PTPRN2: variants seen among roughly 807,000 people sequenced by gnomAD.
PTPRN2 encodes receptor-type tyrosine-protein phosphatase N2.
PTPRN2 carries 74 observed loss-of-function variants against 118.8 expected under a neutral mutation model. That is an observed-to-expected ratio of 0.62 (90% CI 0.52 to 0.76). The LOEUF is 0.76. PTPRN2 is among the 30% of genes least tolerant of loss of function. PTPRN2 has a pLI of 0.00. For synonymous variants in PTPRN2, 641 were observed against 608.0 expected (o/e 1.05, Z -0.80); for missense variants, 1,481 against 1,394.4 (o/e 1.06, Z -0.99).
At chr7:157,753,238 A>C (rs1398889252) in intron 12 of PTPRN2, among the ~76,000 whole-genome samples, 1 of 151,884 alleles carries the variant, frequency 6.6e-6, no homozygotes, top group African/African-American at 2.4e-5. Flanking sequence ...TGTGCCAGGC[A>C]TGTCTGCTGT....
chr7:158,025,374 G>A lies in PTPRN2; in HGVS notation c.1723+55924C>T, dbSNP rs192753309. ...TACAACTGGATGGGTGTTTGTTCTC[G>A]GCCATGCTGAGAGATACTGACATCC... On this transcript the variant is annotated intron_variant, in intron 11 of 22. Coordinates refer to ENST00000389418, the MANE Select transcript of PTPRN2 (RefSeq NM_002847.5). Among the ~76,000 whole-genome samples, 548 of 152,208 alleles carry A rather than the reference G, an allele frequency of 3.6e-3. 3 individuals carry two copies. The highest frequency in any genetic ancestry group is 0.013 in the African/African-American group (521 of 41,520).
chr7:157,744,999 A>G (rs946354033), intron 12 of PTPRN2, among the ~76,000 whole-genome samples: 6 of 152,144 alleles, frequency 3.9e-5, no homozygotes, highest in African/African-American at 1.4e-4. Context: ...GTCCCCTTCC[A>G]GGCGGCACCT....
chr7:157,693,112 G>C (rs966747216), intron 12 of PTPRN2, among the ~76,000 whole-genome samples: 6 of 152,056 alleles, frequency 3.9e-5, no homozygotes, highest in African/African-American at 7.2e-5. Context: ...AGGAGGACTC[G>C]GGAGCCGGGG....
intron 12 of PTPRN2, among the ~76,000 whole-genome samples, chr7:157,827,870 G>A (rs373598429): frequency 6.6e-6 from 1 of 152,168 alleles, no homozygotes; most frequent in African/African-American, 2.4e-5. Flanking sequence ...TGCCTTCCTC[G>A]GGCTGCACGT....
In PTPRN2 at chr7:157,656,402, C is replaced by T; in HGVS notation, c.2151G>A (p.Glu717=). ...ARSSASSWSE[E]PVQSNMDIST... is the part of the protein sequence containing the mutation. ...AGATGTCCATGTTGGACTGCACAGG[C>T]TCCTCGGACCAGGATGAGGCGCTGC... The change falls in exon 14 of 23, where the codon GAG becomes GAA. Residue 717 remains glutamate (E), a synonymous_variant. Transcript: ENST00000389418. 1 of 1,552,856 alleles carries T rather than the reference C, an allele frequency of 6.4e-7. No individual in the cohort carries two copies. Among genetic ancestry groups the T allele is most frequent in the Non-Finnish European group, 8.7e-7 (1 of 1,147,904 alleles).
chr7:158,111,052 C>G (rs1463731366), intron 9 of PTPRN2, 137 bp from the exon 10 acceptor site: 22 of 714,696 alleles, frequency 3.1e-5, no homozygotes, highest in Non-Finnish European at 3.9e-5. Context: ...CAGCTGCCCC[C>G]TCAGGCACAA....
chr7:158,129,184 CCA>C (rs1183907481), intron 9 of PTPRN2, among the ~76,000 whole-genome samples: 1 of 147,304 alleles, frequency 6.8e-6, no homozygotes, highest in Non-Finnish European at 1.5e-5. Flanking sequence ...ACATACCACG[CCA>C]CACACTACAC....
intron 12 of PTPRN2, among the ~76,000 whole-genome samples, chr7:157,853,450 C>T (rs1001336214): frequency 3.9e-5 from 6 of 152,150 alleles, no homozygotes; most frequent in African/African-American, 1.4e-4. Flanking sequence ...GGCCCTCTCC[C>T]CACCCCCCCA....
intron 11 of PTPRN2, among the ~76,000 whole-genome samples, chr7:158,073,043 A>T (rs73171568): frequency 2.0e-5 from 3 of 151,990 alleles, no homozygotes; most frequent in Admixed American, 1.3e-4. Context: ...CACCAGGGAC[A>T]GAGGGCAGTG....
chr7:157,649,101 C>T (rs1409170756), intron 14 of PTPRN2, among the ~76,000 whole-genome samples: 3 of 130,478 alleles, frequency 2.3e-5, no homozygotes, highest in Admixed American at 7.7e-5. Context: ...GCACTGAACT[C>T]GGTGGGTCGG....
At chr7:157,568,625 G>A (rs754524276) in intron 21 of PTPRN2, among the ~76,000 whole-genome samples, 1 of 152,156 alleles carries the variant, frequency 6.6e-6, no homozygotes, top group African/African-American at 2.4e-5. Flanking sequence ...CTGTGTGCTC[G>A]GCACACCAAG....
chr7:158,096,137 A>G (rs796759421), intron 10 of PTPRN2, among the ~76,000 whole-genome samples: 28 of 152,364 alleles, frequency 1.8e-4, no homozygotes, highest in African/African-American at 6.7e-4. Flanking sequence ...CATGTATTGC[A>G]AACCTCCACA....
chr7:158,140,131 A>G (rs1251132066), intron 6 of PTPRN2, among the ~76,000 whole-genome samples: 1 of 152,226 alleles, frequency 6.6e-6, no homozygotes, highest in African/African-American at 2.4e-5. Context: ...GATTGTTAGC[A>G]AGGAAAAATT....
chr7:157,981,921 G>A (rs997073413), intron 11 of PTPRN2, among the ~76,000 whole-genome samples: 1 of 152,266 alleles, frequency 6.6e-6, no homozygotes, highest in African/African-American at 2.4e-5. Flanking sequence ...TAGAATGTGG[G>A]GTCCCCCCAA....
chr7:158,369,201 A>G (rs1387385902), intron 2 of PTPRN2, among the ~76,000 whole-genome samples: 5 of 151,310 alleles, frequency 3.3e-5, no homozygotes, highest in Admixed American at 3.3e-4. Context: ...CAGACAGCCT[A>G]TTGTGGGACC....
intron 16 of PTPRN2, among the ~76,000 whole-genome samples, chr7:157,601,943 C>T (rs948031477): frequency 1.3e-5 from 2 of 152,338 alleles, no homozygotes; most frequent in Middle Eastern, 3.4e-3. Flanking sequence ...AATCCAGGCG[C>T]GCACACCTGG....
intron 9 of PTPRN2, among the ~76,000 whole-genome samples, chr7:158,131,041 CACGTACAT>C (rs1356808957): frequency 1.7e-5 from 2 of 116,132 alleles, no homozygotes; most frequent in Non-Finnish European, 3.5e-5. Flanking sequence ...CTTATACACA[CACGTACAT>C]ACAGACACCT....
chr7:157,794,796 C>A lies in PTPRN2; in HGVS notation c.1788+103877G>T, dbSNP rs1804760383. Reference sequence around the variant, plus strand: ...GTGAGCTACCTTCTCTCCCAGTAACCTTTTCCAGAGGAAACCTCTTTGAAA... The same window carrying A: ...GTGAGCTACCTTCTCTCCCAGTAACATTTTCCAGAGGAAACCTCTTTGAAA... On this transcript the variant is annotated intron_variant, in intron 12 of 22. Transcript: ENST00000389418. This position sits in a 1 kb window ranked among gnomAD's most constrained non-coding sequence, Gnocchi z 5.2. Among the ~76,000 whole-genome samples, 1 of 152,212 alleles carries A rather than the reference C, an allele frequency of 6.6e-6. No homozygotes were observed. The highest frequency in any genetic ancestry group is 2.4e-5 in the African/African-American group (1 of 41,450).
chr7:157,710,099 G>A (rs1798528656), intron 12 of PTPRN2, among the ~76,000 whole-genome samples: 4 of 152,122 alleles, frequency 2.6e-5, no homozygotes, highest in Non-Finnish European at 5.9e-5. Flanking sequence ...AGGGTCGGCC[G>A]TGAGGACACA....
Sources: gnomAD v4.1 joint callset for allele counts (sites outside exome capture counted in the v4.1 genomes callset) on GRCh38, gnomAD v4.1.1 for gene constraint, Gnocchi (gnomAD v3.1) non-coding constraint, MANE v1.5 for transcripts, NCBI Gene and HGNC (gene_info 2026-07-23, HGNC 2026-07-21) for gene names.